The following JARID2 variants were observed in gnomAD, a reference collection of about 807,000 sequenced individuals.
JARID2 encodes the protein protein Jumonji.
A neutral mutation model predicts 125.6 loss-of-function variants in JARID2; 21 were observed. That is an observed-to-expected ratio of 0.17 (90% confidence interval 0.12 to 0.24). The LOEUF (loss-of-function observed/expected upper bound fraction) is 0.24. Ranked by LOEUF, JARID2 falls within the 10% of genes least tolerant of loss-of-function variation. The pLI is 1.00. For missense variants in JARID2, 1,303 were observed against 1,639.6 expected, an observed-to-expected ratio of 0.79 and a Z score of 3.55; for synonymous variants, 736 against 661.6, an observed-to-expected ratio of 1.11 and a Z score of -1.73.
intron 3 of JARID2, among the ~76,000 whole-genome samples, chr6:15,417,250 A>G (rs1484895669): frequency 1.3e-5 from 2 of 152,144 alleles, no homozygotes; most frequent in Non-Finnish European, 2.9e-5. Context: ...GACTGGGGCC[A>G]GGCTGTGTGA....
chr6:15,376,104 G>A (rs1764343262), intron 2 of JARID2, among the ~76,000 whole-genome samples: 1 of 152,212 alleles, frequency 6.6e-6, no homozygotes, highest in Non-Finnish European at 1.5e-5. Flanking sequence ...AAAAATCTCA[G>A]TTGGCAAAGA....
At chr6:15,304,463 A>T (rs1361377433) in intron 1 of JARID2, among the ~76,000 whole-genome samples, 1 of 152,152 alleles carries the variant, frequency 6.6e-6, no homozygotes, top group African/African-American at 2.4e-5. Context: ...TCCAAGTTGC[A>T]GACACCAGAG....
At chr6:15,303,091 G>C (rs1019253454) in intron 1 of JARID2, among the ~76,000 whole-genome samples, 3 of 152,176 alleles carry the variant, frequency 2.0e-5, no homozygotes, top group Non-Finnish European at 4.4e-5. Flanking sequence ...GAGTAAATTC[G>C]AAGTTATGCC....
intron 4 of JARID2, among the ~76,000 whole-genome samples, chr6:15,461,765 A>T (rs1330384690): frequency 6.6e-6 from 1 of 152,220 alleles, no homozygotes; most frequent in Non-Finnish European, 1.5e-5. Flanking sequence ...GACTGAAGAC[A>T]TTATGCTCTG....
At chr6:15,440,716 A>G (rs937622332) in intron 3 of JARID2, among the ~76,000 whole-genome samples, 4 of 152,350 alleles carry the variant, frequency 2.6e-5, no homozygotes, top group Middle Eastern at 3.4e-3. Flanking sequence ...TGTGTCTGTA[A>G]TAGCTCCGGT....
chr6:15,428,930 A>ACCCC (rs10660512), intron 3 of JARID2, among the ~76,000 whole-genome samples: 7 of 89,850 alleles, frequency 7.8e-5, no homozygotes, highest in Non-Finnish European at 6.3e-5. Context: ...AAAAAAACAA[A>ACCCC]CCCCCCCCCC....
intron 3 of JARID2, among the ~76,000 whole-genome samples, chr6:15,418,575 C>T (rs2127583247): frequency 6.6e-6 from 1 of 152,290 alleles, no homozygotes; most frequent in East Asian, 1.9e-4. Context: ...AAAATAAAAA[C>T]TCTTAAGAGT....
chr6:15,479,151 T>C (rs1391027476), intron 5 of JARID2, among the ~76,000 whole-genome samples: 2 of 152,218 alleles, frequency 1.3e-5, no homozygotes, highest in South Asian at 2.1e-4. Flanking sequence ...TTTGTCCAGC[T>C]GTTCCTCCCT....
At chr6:15,320,423 G>C (rs1762313113) in intron 1 of JARID2, among the ~76,000 whole-genome samples, 1 of 152,214 alleles carries the variant, frequency 6.6e-6, no homozygotes, top group South Asian at 2.1e-4. Context: ...AAGAAACTCA[G>C]TCATTGTTCT....
intron 2 of JARID2, among the ~76,000 whole-genome samples, chr6:15,408,144 G>T (rs2127565258): frequency 6.6e-6 from 1 of 152,102 alleles, no homozygotes; most frequent in African/African-American, 2.4e-5. Flanking sequence ...TGTGTCTGCG[G>T]TCTCAGCTGA....
chr6:15,426,887 GTGTA>G (rs1188716866), intron 3 of JARID2, among the ~76,000 whole-genome samples: 2 of 152,200 alleles, frequency 1.3e-5, no homozygotes, highest in Non-Finnish European at 2.9e-5. Context: ...CATTGTTTAA[GTGTA>G]TGTGTTTGTT....
chr6:15,280,467 G>T (rs1006814324), intron 1 of JARID2, among the ~76,000 whole-genome samples: 2 of 152,130 alleles, frequency 1.3e-5, no homozygotes, highest in Non-Finnish European at 2.9e-5. Context: ...GTCAGTGAAA[G>T]GAACAAAGAT....
At chr6:15,278,747 A>AT (rs1760637183) in intron 1 of JARID2, among the ~76,000 whole-genome samples, 2 of 151,932 alleles carry the variant, frequency 1.3e-5, no homozygotes, top group Non-Finnish European at 2.9e-5. Context: ...TGCGAGAGGA[A>AT]TTGATTGGAG....
chr6:15,443,999 A>G (rs939402436), intron 3 of JARID2, among the ~76,000 whole-genome samples: 9 of 152,212 alleles, frequency 5.9e-5, no homozygotes, highest in African/African-American at 1.7e-4. Context: ...ATAGCTTCCT[A>G]TGTAACTTAA....
intron 1 of JARID2, among the ~76,000 whole-genome samples, chr6:15,287,936 G>C (rs1002158614): frequency 2.0e-5 from 3 of 152,190 alleles, no homozygotes; most frequent in Admixed American, 2.0e-4. Context: ...CCGTTGATCT[G>C]CCAGTACCTA....
intron 13 of JARID2, 75 bp from the exon 14 acceptor site, chr6:15,512,133 C>T (rs566618395): frequency 1.4e-5 from 18 of 1,277,404 alleles, no homozygotes; most frequent in East Asian, 9.7e-5. Context: ...TCTTAGGGTG[C>T]GCATACGTCA....
chr6:15,440,690 A>G (rs2127617281), intron 3 of JARID2, among the ~76,000 whole-genome samples: 1 of 152,364 alleles, frequency 6.6e-6, no homozygotes, highest in East Asian at 1.9e-4. Flanking sequence ...AGCCAGTGAC[A>G]TAGATGCTCA....
At chr6:15,386,237 C>T (rs1175469164) in intron 2 of JARID2, among the ~76,000 whole-genome samples, 1 of 151,296 alleles carries the variant, frequency 6.6e-6, no homozygotes, top group Non-Finnish European at 1.5e-5. Context: ...CTCCCTCTCC[C>T]CCACCCCTCT....
At chr6:15,332,550 A>T (rs1762742377) in intron 1 of JARID2, among the ~76,000 whole-genome samples, 1 of 152,186 alleles carries the variant, frequency 6.6e-6, no homozygotes. Flanking sequence ...TATTATAGTG[A>T]CAAAAGCCTG....
Sources: gnomAD v4.1 joint callset for allele counts (sites outside exome capture counted in the v4.1 genomes callset) on GRCh38, gnomAD v4.1.1 for gene constraint, MANE v1.5 for transcripts, NCBI Gene and HGNC (gene_info 2026-07-23, HGNC 2026-07-21) for gene names.